The following BTBD8 variants were observed in gnomAD, a reference collection of about 807,000 sequenced individuals.
BTBD8 encodes the protein BTB domain containing 8.
A neutral mutation model predicts 162.9 loss-of-function variants in BTBD8; 110 were observed. That is an observed-to-expected ratio of 0.68 (90% CI 0.58 to 0.79). The LOEUF (loss-of-function observed/expected upper bound fraction) is 0.79. Ranked by LOEUF, BTBD8 falls within the 30% of genes least tolerant of loss-of-function variation. The pLI, the probability that BTBD8 is intolerant of heterozygous loss-of-function variation, is 0.00. For synonymous variants in BTBD8, 667 were observed against 716.1 expected, an observed-to-expected ratio of 0.93 and a Z score of 1.10; for missense variants, 1,905 against 2,085.4, an observed-to-expected ratio of 0.91 and a Z score of 1.68.
At chr1:92,178,727 A>G (rs540819992) in intron 16 of BTBD8, among the ~76,000 whole-genome samples, 76 of 152,230 alleles carry the variant, frequency 5.0e-4, no homozygotes, top group African/African-American at 1.8e-3. Flanking sequence ...ATCACACTGC[A>G]GTCCTCCTTC....
At chr1:92,150,476 G>T (rs1384857298) in intron 9 of BTBD8, 1 of 152,170 alleles carries the variant, frequency 6.6e-6, no homozygotes, top group African/African-American at 2.4e-5. Flanking sequence ...AATGTGGCAG[G>T]TTCATGGAAT....
chr1:92,159,360 A>G (rs1347363862), intron 9 of BTBD8, among the ~76,000 whole-genome samples: 1 of 151,716 alleles, frequency 6.6e-6, no homozygotes, highest in Non-Finnish European at 1.5e-5. Flanking sequence ...ATTTTTTTGT[A>G]GAGACAGGGT....
chr1:92,083,046 G>T (rs1648062737), intron 1 of BTBD8, among the ~76,000 whole-genome samples: 1 of 151,626 alleles, frequency 6.6e-6, no homozygotes, highest in Admixed American at 6.6e-5. Flanking sequence ...TGAGGCAGGA[G>T]AATTGTTTGA....
At chr1:92,172,874 C>G (rs1038226802) in intron 13 of BTBD8, among the ~76,000 whole-genome samples, 8 of 152,136 alleles carry the variant, frequency 5.3e-5, no homozygotes, top group African/African-American at 1.9e-4. Flanking sequence ...TCACAAGATA[C>G]GAGCTCCATC....
At chr1:92,152,189 G>A (rs1489739567) in intron 9 of BTBD8, among the ~76,000 whole-genome samples, 5 of 151,360 alleles carry the variant, frequency 3.3e-5, no homozygotes, top group African/African-American at 9.7e-5. Flanking sequence ...TTTTTAATGC[G>A]TGGGACTTGA....
chr1:92,180,460 CAAAG>C lies in BTBD8; in HGVS notation c.2782_2785del (p.Lys928ValfsTer4). The C allele has an allele frequency of 1.3e-6, 2 of 1,550,052 alleles. No individual in the cohort carries two copies. Among genetic ancestry groups the C allele is most frequent in the Non-Finnish European group, 1.7e-6 (2 of 1,146,488 alleles). ...GCAATGCCTAAAAATCTAAATCAGT[CAAAG>C]AAAGGTGAAACTTTGAATAATAAAG... is the stretch of plus-strand genomic sequence containing the variant. On this transcript the variant is annotated frameshift_variant, in exon 17 of 18. Transcript: ENST00000636805. LOFTEE classifies it high-confidence loss of function.
chr1:92,148,665 C>T (rs776786022), intron 9 of BTBD8, among the ~76,000 whole-genome samples: 1 of 152,182 alleles, frequency 6.6e-6, no homozygotes, highest in Non-Finnish European at 1.5e-5. Flanking sequence ...CCTAGTGATT[C>T]AGTAGCAAAA....
At chr1:92,089,075 A>G (rs1286474169) in intron 2 of BTBD8, among the ~76,000 whole-genome samples, 180 bp downstream of exon 2, 1 of 152,182 alleles carries the variant, frequency 6.6e-6, no homozygotes, top group Non-Finnish European at 1.5e-5. Context: ...TATTAGTACT[A>G]GTAGTACTAA....
chr1:92,104,462 G>A (rs561486568), intron 3 of BTBD8, among the ~76,000 whole-genome samples: 1 of 152,330 alleles, frequency 6.6e-6, no homozygotes, highest in South Asian at 2.1e-4. Flanking sequence ...AAGACTCAGA[G>A]AGCATAAGAG....
At chr1:92,174,747 G>C (rs912741306) in intron 13 of BTBD8, among the ~76,000 whole-genome samples, 1 of 152,120 alleles carries the variant, frequency 6.6e-6, no homozygotes, top group Non-Finnish European at 1.5e-5. Context: ...CTACGCTGTG[G>C]ACAGGCATAA....
rs1012689034 is a variant in BTBD8, at chr1:92,167,081, T to C, written c.1246T>C (p.Phe416Leu). 15 of 1,550,512 alleles carry C rather than the reference T, an allele frequency of 9.7e-6. No homozygotes were observed. The highest frequency in any genetic ancestry group is 1.4e-5 in the African/African-American group (1 of 73,050). ...ASQLQEKCIA[F>L]IVDNFSKIIQ... ...TCAGCTTCAAGAAAAATGTATTGCA[T>C]TTATTGTAGACAACTTCTCCAAGAT... The change falls in exon 10 of 18, where the codon TTT becomes CTT. Residue 416 changes from phenylalanine (F) to leucine (L), a missense_variant. Phe to Leu is a conservative substitution (Grantham distance 22). Transcript: ENST00000636805.
rs562129079 is a variant in BTBD8, at chr1:92,137,548, G to T, written c.753-1802G>T. ...GCATATAGATGAATAATGTCTGTTGGAGTCTTCAAGGGGGCCCAATAAATA... is the reference window on the plus strand; with the variant it reads ...GCATATAGATGAATAATGTCTGTTGTAGTCTTCAAGGGGGCCCAATAAATA... On this transcript the variant is annotated intron_variant, in intron 5 of 17. Transcript: ENST00000636805. 3.5e-4 allele frequency among the ~76,000 whole-genome samples: 53 copies of T among 152,318 alleles called. 1 individual carries two copies. The highest frequency in any genetic ancestry group is 1.3e-3 in the African/African-American group (53 of 41,584).
intron 2 of BTBD8, among the ~76,000 whole-genome samples, chr1:92,091,245 TTCC>T (rs1332986544): frequency 1.3e-5 from 2 of 152,150 alleles, no homozygotes; most frequent in Non-Finnish European, 2.9e-5. Flanking sequence ...TCTAGAGCTC[TTCC>T]TCCTCCTCCG....
Position 92,177,883 on chromosome 1 carries a change from C to T in BTBD8, c.2426C>T (p.Thr809Ile). Residue 809 changes from threonine (T) to isoleucine (I), a missense_variant, in exon 15 of 18, where the codon ACT (threonine) becomes ATT (isoleucine). Around this residue, in one of 3 missense-constraint regions of BTBD8, gnomAD observed 1,374 missense variants for 1,442.7 expected, o/e 0.95. Transcript: ENST00000636805. ...AAAAAAAGTATTCATGAACAAGACA[C>T]TAATGTAAATAACAGGTAGGTCTTC... is the stretch of plus-strand genomic sequence containing the variant. ...SNKKSIHEQD[T>I]NVNNSVLKKV... 4 of 1,521,270 alleles carry T rather than the reference C, an allele frequency of 2.6e-6. No homozygotes were observed. The highest frequency in any genetic ancestry group is 3.6e-6 in the Non-Finnish European group (4 of 1,120,046). 94.2% of individuals were successfully genotyped at this position (1,521,270 alleles called of 1,614,324 possible).
Position 92,100,412 on chromosome 1 carries a change from AT to A in BTBD8, c.348-2058del, listed in dbSNP as rs573930958. Among the ~76,000 whole-genome samples, 416 of 152,224 alleles carry A rather than the reference AT, an allele frequency of 2.7e-3. 1 individual carries two copies. The highest frequency in any genetic ancestry group is 4.7e-3 in the Non-Finnish European group (318 of 68,004). On this transcript the variant is annotated intron_variant, in intron 2 of 17. Coordinates refer to ENST00000636805, the MANE Select transcript of BTBD8 (RefSeq NM_001376131.1). ...GAAGGATTGGTGTTAATTATTAAAC[AT>A]TTGGTAGAATCTACCAGTCAAGCTA...
chr1:92,132,501 A>G (rs927490903), intron 5 of BTBD8, among the ~76,000 whole-genome samples: 2 of 152,160 alleles, frequency 1.3e-5, no homozygotes, highest in African/African-American at 2.4e-5. Flanking sequence ...TTCTGTCTTT[A>G]ATTTATAATG....
chr1:92,182,658 G>A (rs577413285), intron 17 of BTBD8, 63 bp downstream of exon 17: 8 of 1,024,416 alleles, frequency 7.8e-6, no homozygotes, highest in Admixed American at 3.7e-5. Flanking sequence ...TTTTAAAGTT[G>A]TATGAAGCCC....
intron 2 of BTBD8, among the ~76,000 whole-genome samples, chr1:92,095,540 A>C (rs1648427706): frequency 6.6e-6 from 1 of 152,178 alleles, no homozygotes; most frequent in South Asian, 2.1e-4. Context: ...TTAAACACTC[A>C]TGAATGTCCT....
intron 4 of BTBD8, among the ~76,000 whole-genome samples, chr1:92,120,941 T>G (rs1436786967): frequency 6.6e-6 from 1 of 152,192 alleles, no homozygotes; most frequent in Non-Finnish European, 1.5e-5. Flanking sequence ...TTTTGTATTT[T>G]TAGTAGAGAC....
Sources: gnomAD v4.1 joint callset for allele counts (sites outside exome capture counted in the v4.1 genomes callset) on GRCh38, gnomAD v4.1.1 for gene constraint, gnomAD v4.1.1 regional missense constraint, MANE v1.5 for transcripts, NCBI Gene and HGNC (gene_info 2026-07-23, HGNC 2026-07-21) for gene names.